The following PPARGC1A variants were observed in gnomAD, a reference collection of about 807,000 sequenced individuals.
PPARGC1A encodes the protein peroxisome proliferator-activated receptor gamma coactivator 1-alpha.
PPARGC1A carries 25 observed loss-of-function variants against 88.7 expected under a neutral mutation model. The observed-to-expected ratio is 0.28, with a 90% CI of 0.21 to 0.39. The LOEUF is 0.39. PPARGC1A is among the 10% of genes least tolerant of loss of function. PPARGC1A has a pLI of 1.00. For missense variants in PPARGC1A, 880 were observed against 968.7 expected, an observed-to-expected ratio of 0.91 and a Z score of 1.22; for synonymous variants, 363 against 355.6, an observed-to-expected ratio of 1.02 and a Z score of -0.24.
the PPARGC1A span, among the ~76,000 whole-genome samples, chr4:24,147,944 A>AAAAC: frequency 2.0e-5 from 3 of 151,536 alleles, no homozygotes; most frequent in Admixed American, 6.6e-5. Context: ...ACTCCATCTA[A>AAAAC]AAACAAACAA....
At chr4:23,988,516 T>A in the PPARGC1A span, among the ~76,000 whole-genome samples, 1 of 152,044 alleles carries the variant, frequency 6.6e-6, no homozygotes, top group South Asian at 2.1e-4. Context: ...TGCAACATTG[T>A]TGGAAAGACC....
At chr4:24,112,741 T>G in the PPARGC1A span, among the ~76,000 whole-genome samples, 1 of 152,226 alleles carries the variant, frequency 6.6e-6, no homozygotes, top group African/African-American at 2.4e-5. Flanking sequence ...ATAATTCCAA[T>G]AGCAATCTCA....
the PPARGC1A span, among the ~76,000 whole-genome samples, chr4:24,405,557 A>G: frequency 6.6e-6 from 1 of 152,210 alleles, no homozygotes; most frequent in Admixed American, 6.5e-5. Flanking sequence ...ACATCAATCT[A>G]GCGCAGCTCC....
the PPARGC1A span, among the ~76,000 whole-genome samples, chr4:24,471,959 G>T: frequency 1.8e-4 from 28 of 152,334 alleles, no homozygotes; most frequent in South Asian, 4.1e-4. This position sits in a 1 kb window ranked among gnomAD's most constrained non-coding sequence, Gnocchi z 5.4. Flanking sequence ...CGGCTCTGCA[G>T]CCCCTCGGCG....
chr4:23,831,811 G>GC (rs1361275112), intron 2 of PPARGC1A, 60 bp from the exon 3 acceptor site: 1 of 1,375,608 alleles, frequency 7.3e-7, no homozygotes, highest in Non-Finnish European at 1.0e-6. Context: ...GTAACACTAT[G>GC]CATCAACATG....
At chr4:24,446,909 T>A in the PPARGC1A span, among the ~76,000 whole-genome samples, 1 of 152,150 alleles carries the variant, frequency 6.6e-6, no homozygotes, top group Non-Finnish European at 1.5e-5. Context: ...TTGAATTTAT[T>A]AATGCTAGAG....
At chr4:23,830,543 T>C (rs558278322) in intron 3 of PPARGC1A, among the ~76,000 whole-genome samples, 5 of 152,332 alleles carry the variant, frequency 3.3e-5, no homozygotes, top group African/African-American at 1.2e-4. Flanking sequence ...TTATGAGATA[T>C]TCTCCATATG....
At chr4:24,159,687 T>C in the PPARGC1A span, among the ~76,000 whole-genome samples, 2 of 152,198 alleles carry the variant, frequency 1.3e-5, no homozygotes, top group Admixed American at 6.5e-5. Flanking sequence ...AGTCACATAG[T>C]AGGTTTTCAA....
At chr4:24,022,738 C>G in the PPARGC1A span, among the ~76,000 whole-genome samples, 2 of 152,320 alleles carry the variant, frequency 1.3e-5, no homozygotes, top group Admixed American at 1.3e-4. Flanking sequence ...GGGTCCCAGC[C>G]CACATGACCA....
At chr4:23,918,410 C>T in the PPARGC1A span, among the ~76,000 whole-genome samples, 3 of 151,962 alleles carry the variant, frequency 2.0e-5, no homozygotes, top group African/African-American at 4.8e-5. Context: ...TTAGTAGAGA[C>T]GGGGTTTCAC....
chr4:24,437,663 TTTTC>T, the PPARGC1A span, among the ~76,000 whole-genome samples: 59 of 152,062 alleles, frequency 3.9e-4, 1 homozygote, highest in African/African-American at 1.3e-3. Flanking sequence ...TTGGGGGTTT[TTTTC>T]TTTCTTTTTT....
chr4:24,230,559 A>C, the PPARGC1A span, among the ~76,000 whole-genome samples: 1 of 152,176 alleles, frequency 6.6e-6, no homozygotes, highest in East Asian at 1.9e-4. Flanking sequence ...GAACCACCCC[A>C]TATAGCACCT....
the PPARGC1A span, among the ~76,000 whole-genome samples, chr4:24,160,709 A>T: frequency 6.6e-6 from 1 of 152,172 alleles, no homozygotes; most frequent in African/African-American, 2.4e-5. Flanking sequence ...GAAAATAAGC[A>T]CCTGAGTTCA....
At chr4:23,808,630 T>A (rs1297356990) in intron 10 of PPARGC1A, among the ~76,000 whole-genome samples, 1 of 152,118 alleles carries the variant, frequency 6.6e-6, no homozygotes, top group Non-Finnish European at 1.5e-5. Flanking sequence ...CTTACGAGTC[T>A]GAGAAAGGCA....
chr4:24,150,789 G>T, the PPARGC1A span, among the ~76,000 whole-genome samples: 1 of 152,100 alleles, frequency 6.6e-6, no homozygotes, highest in Admixed American at 6.6e-5. Flanking sequence ...AGCAAAGCTG[G>T]GACCACATCT....
At chr4:23,844,760 T>TTG (rs1727893295) in intron 2 of PPARGC1A, among the ~76,000 whole-genome samples, 1 of 109,236 alleles carries the variant, frequency 9.2e-6, no homozygotes, top group Non-Finnish European at 1.7e-5. Context: ...ATGATATATA[T>TTG]TATAATAATA....
chr4:24,165,481 G>T, the PPARGC1A span, among the ~76,000 whole-genome samples: 9 of 152,054 alleles, frequency 5.9e-5, no homozygotes, highest in Admixed American at 4.6e-4. Context: ...GTTTTATTGT[G>T]CTTTGCTTTA....
the PPARGC1A span, among the ~76,000 whole-genome samples, chr4:24,431,145 G>T: frequency 7.6e-6 from 1 of 131,974 alleles, no homozygotes; most frequent in East Asian, 2.2e-4. Flanking sequence ...AAAAAAAAGA[G>T]AAAAAAAAAA....
chr4:23,906,875 G>A (rs934308862), upstream of PPARGC1A, among the ~76,000 whole-genome samples: 2 of 152,084 alleles, frequency 1.3e-5, no homozygotes, highest in Admixed American at 6.6e-5. Flanking sequence ...AAAATATGTG[G>A]CTTTCTGATC....
Sources: gnomAD v4.1 joint callset for allele counts (sites outside exome capture counted in the v4.1 genomes callset) on GRCh38, gnomAD v4.1.1 for gene constraint, Gnocchi (gnomAD v3.1) non-coding constraint, MANE v1.5 for transcripts, NCBI Gene and HGNC (gene_info 2026-07-23, HGNC 2026-07-21) for gene names.